Variants in CLIC4 observed in about 807,000 individuals in gnomAD.
CLIC4 encodes CLIC family member 4, also known as chloride intracellular channel protein 4.
In CLIC4, 13 loss-of-function variants were observed where a neutral mutation model predicts 24.6. The ratio of observed to expected loss-of-function variants is 0.53; its 90% CI spans 0.34 to 0.84. CLIC4 has a LOEUF of 0.84. Ranked by LOEUF, CLIC4 falls within the 40% of genes least tolerant of loss-of-function variation. CLIC4 has a pLI of 0.01. For synonymous variants in CLIC4, 104 were observed against 111.3 expected (o/e 0.93, Z 0.41); for missense variants, 227 against 301.7 (o/e 0.75, Z 1.83).
intron 1 of CLIC4, among the ~76,000 whole-genome samples, chr1:24,764,577 C>A (rs1000014631): frequency 2.0e-5 from 3 of 151,874 alleles, no homozygotes; most frequent in Non-Finnish European, 4.4e-5. Flanking sequence ...TTGCTTGAGC[C>A]CAGGAGGCGA....
intron 1 of CLIC4, among the ~76,000 whole-genome samples, chr1:24,770,740 T>G (rs376861233): frequency 5.3e-5 from 8 of 152,046 alleles, no homozygotes; most frequent in African/African-American, 1.7e-4. Context: ...TTCTTTTTTT[T>G]TTGTTTTTTG....
intron 1 of CLIC4, among the ~76,000 whole-genome samples, chr1:24,790,551 A>G (rs1412441181): frequency 1.3e-5 from 2 of 152,202 alleles, no homozygotes; most frequent in Non-Finnish European, 2.9e-5. Context: ...CAAGCCAGCA[A>G]CCATGGTGAA....
At chr1:24,804,344 C>T (rs548189112) in intron 2 of CLIC4, among the ~76,000 whole-genome samples, 14 of 149,110 alleles carry the variant, frequency 9.4e-5, no homozygotes, top group Admixed American at 3.4e-4. Context: ...ACATGTGTAC[C>T]CACTGTGTGT....
chr1:24,764,842 T>TTTG lies in CLIC4; in HGVS notation c.72+19236_72+19238dup, dbSNP rs554416253. On this transcript the variant is annotated intron_variant, in intron 1 of 5. Transcript: ENST00000374379. ...TGTTTTAACTCTCTCTCACTGCAGG[T>TTTG]TTGTTGTTGTTGTTGTTGTTGGTTT... Among the ~76,000 whole-genome samples, 555 of 151,904 alleles carry TTTG rather than the reference T, an allele frequency of 3.7e-3. 5 individuals carry two copies. The highest frequency in any genetic ancestry group is 0.012 in the African/African-American group (489 of 41,462).
At chr1:24,784,346 T>G (rs751299777) in intron 1 of CLIC4, among the ~76,000 whole-genome samples, 3 of 152,206 alleles carry the variant, frequency 2.0e-5, no homozygotes, top group Non-Finnish European at 2.9e-5. Flanking sequence ...GCCCAGTTTT[T>G]CAGTCACTTA....
chr1:24,790,679 C>G (rs1411174744), intron 1 of CLIC4, among the ~76,000 whole-genome samples: 1 of 152,128 alleles, frequency 6.6e-6, no homozygotes, highest in Non-Finnish European at 1.5e-5. Flanking sequence ...AGTCCTGACT[C>G]TGTTAGGCCT....
At chr1:24,783,813 A>G (rs753402075) in intron 1 of CLIC4, among the ~76,000 whole-genome samples, 27 of 152,244 alleles carry the variant, frequency 1.8e-4, no homozygotes, top group Non-Finnish European at 2.6e-4. Context: ...TTGACATTCT[A>G]TTTGGCTTAG....
chr1:24,800,859 T>TGAAG (rs1443501622), intron 2 of CLIC4, among the ~76,000 whole-genome samples: 2 of 151,912 alleles, frequency 1.3e-5, no homozygotes, highest in Admixed American at 6.6e-5. Flanking sequence ...AACAGATGCT[T>TGAAG]GAAGGCAGCA....
At chr1:24,826,250 C>G (rs984889538) in intron 3 of CLIC4, among the ~76,000 whole-genome samples, 4 of 152,090 alleles carry the variant, frequency 2.6e-5, no homozygotes, top group Non-Finnish European at 2.9e-5. Flanking sequence ...TGTTGTTGTT[C>G]GGTGCTACCC....
At chr1:24,785,848 A>C (rs1478263424) in intron 1 of CLIC4, among the ~76,000 whole-genome samples, 4 of 137,180 alleles carry the variant, frequency 2.9e-5, no homozygotes, top group African/African-American at 1.1e-4. Flanking sequence ...GAGCGAGACT[A>C]CAACTCAAAA....
At chr1:24,827,169 C>T (rs1639794867) in intron 4 of CLIC4, 53 bp downstream of exon 4, 2 of 1,088,942 alleles carry the variant, frequency 1.8e-6, no homozygotes, top group Admixed American at 2.0e-5. Flanking sequence ...CAAACAACAA[C>T]AGGCTGTTAT....
intron 1 of CLIC4, among the ~76,000 whole-genome samples, chr1:24,749,147 G>A (rs1276303854): frequency 1.3e-5 from 2 of 151,912 alleles, no homozygotes; most frequent in Admixed American, 6.6e-5. Flanking sequence ...CTGGGAGGCG[G>A]TGGTTGCAGT....
intron 4 of CLIC4, among the ~76,000 whole-genome samples, chr1:24,834,792 GCATGAGAGGGAGAGGGAGA>G: frequency 3.1e-4 from 1 of 3,224 alleles, no homozygotes; most frequent in African/African-American, 4.0e-4. Context: ...CTTTGGCTCG[GCATGAGAGGGAGAGGGAGA>G]CGGGAGAGGG....
At position 24,840,844 on chromosome 1, in the gene CLIC4, T is replaced by A. The variant is rs762123855; in HGVS notation, c.669T>A (p.Asn223Lys). 1 of 1,612,950 alleles carries A rather than the reference T, an allele frequency of 6.2e-7. No individual in the cohort carries two copies. Among genetic ancestry groups the A allele is most frequent in the East Asian group, 2.2e-5 (1 of 44,766 alleles). Residue 223 changes from asparagine (N) to lysine (K), a missense_variant, in exon 6 of 6, where the codon AAT becomes AAA. Physicochemically the swap from Asn to Lys is moderately conservative, Grantham distance 94. Coordinates refer to ENST00000374379, the MANE Select transcript of CLIC4 (RefSeq NM_013943.3). ...CTGGCATCTGGAGATACCTAACTAA[T>A]GCATACAGTAGGGACGAGTTCACCA... is the stretch of plus-strand genomic sequence containing the variant. The part of the protein sequence containing the change: ...EMTGIWRYLT[N>K]AYSRDEFTNT...
intron 1 of CLIC4, among the ~76,000 whole-genome samples, chr1:24,752,615 G>T (rs1348306917): frequency 6.6e-6 from 1 of 152,234 alleles, no homozygotes; most frequent in Non-Finnish European, 1.5e-5. Context: ...AGCTTCATCT[G>T]CAAGAGAGGC....
At chr1:24,825,496 A>T (rs190922466) in intron 3 of CLIC4, among the ~76,000 whole-genome samples, 56 of 152,312 alleles carry the variant, frequency 3.7e-4, no homozygotes, top group Non-Finnish European at 7.5e-4. Flanking sequence ...GTATGGCTAG[A>T]TAGATATAGA....
chr1:24,840,690 T>C (rs1161927588), intron 5 of CLIC4, 83 bp from the exon 6 acceptor site: 3 of 1,156,422 alleles, frequency 2.6e-6, no homozygotes, highest in Admixed American at 2.4e-5. Context: ...AGAGCATTAA[T>C]TATTTGCTCC....
intron 4 of CLIC4, among the ~76,000 whole-genome samples, chr1:24,831,827 C>T (rs781536427): frequency 2.8e-4 from 43 of 152,074 alleles, no homozygotes; most frequent in Admixed American, 2.7e-3. Flanking sequence ...TTAGTAGATA[C>T]GAGGTCTCAT....
chr1:24,802,286 C>T (rs964669324), intron 2 of CLIC4, among the ~76,000 whole-genome samples: 1 of 151,982 alleles, frequency 6.6e-6, no homozygotes, highest in African/African-American at 2.4e-5. Flanking sequence ...TTTTTAAAGG[C>T]ATTATTCCTA....
Sources: allele counts gnomAD v4.1 joint callset (sites outside exome capture counted in the v4.1 genomes callset), GRCh38; gene constraint gnomAD v4.1.1; transcripts MANE v1.5; gene names NCBI Gene and HGNC (gene_info 2026-07-23, HGNC 2026-07-21).